The following SLAIN1 variants were observed in gnomAD, a reference collection of about 807,000 sequenced individuals.
SLAIN1 encodes SLAIN motif-containing protein 1.
SLAIN1 carries 17 observed loss-of-function variants against 55.4 expected under a neutral mutation model. The ratio of observed to expected loss-of-function variants is 0.31; its 90% confidence interval spans 0.21 to 0.46. SLAIN1 has a LOEUF of 0.46. Ranked by LOEUF, SLAIN1 falls within the 20% of genes least tolerant of loss-of-function variation. SLAIN1 has a pLI of 1.00. For synonymous variants in SLAIN1, 348 were observed against 337.4 expected, an observed-to-expected ratio of 1.03 and a Z score of -0.35; for missense variants, 682 against 785.1, an observed-to-expected ratio of 0.87 and a Z score of 1.57.
At chr13:77,760,522 CG>C (rs1874931956) in intron 5 of SLAIN1, among the ~76,000 whole-genome samples, 1 of 152,076 alleles carries the variant, frequency 6.6e-6, no homozygotes, top group Non-Finnish European at 1.5e-5. Flanking sequence ...AGCAAGCAAA[CG>C]GGGAAGACTT....
Position 77,719,647 on chromosome 13 carries a change from T to C in SLAIN1, c.742T>C (p.Ser248Pro), listed in dbSNP as rs751507303. The change falls in exon 2 of 7, where the codon TCC (serine) becomes CCC (proline). Residue 248 changes from serine (S) to proline (P), a missense_variant. By Grantham distance (74) the Ser-to-Pro change is moderately conservative. Transcript: ENST00000418532. ...PTPEMEAARRSLCFRLEQGYT... is the reference protein window; with the variant it reads ...PTPEMEAARRPLCFRLEQGYT... The stretch of plus-strand genomic sequence containing the variant: ...TCCTGAGATGGAAGCAGCGAGACGT[T>C]CCCTGTGCTTTAGACTGGAGCAAGG... The C allele has an allele frequency of 5.0e-6, 8 of 1,613,450 alleles. No homozygotes were observed. The Admixed American group carries it at 1.2e-4, about 24-fold the overall frequency.
At chr13:77,710,488 A>T (rs934735941) in intron 1 of SLAIN1, among the ~76,000 whole-genome samples, 1 of 152,232 alleles carries the variant, frequency 6.6e-6, no homozygotes, top group African/African-American at 2.4e-5. Flanking sequence ...ATCAAAAGAG[A>T]CAAAGAAGGG....
Position 77,698,400 on chromosome 13 carries a change from G to A in SLAIN1, c.487G>A (p.Gly163Arg), listed in dbSNP as rs969043748. 21 of 1,406,160 alleles carry A rather than the reference G, an allele frequency of 1.5e-5. No individual in the cohort carries two copies. The Admixed American group carries it at 2.6e-4, about 17-fold the overall frequency. The allele number at this position is 1,406,160 out of a possible 1,614,324, so 87.1% of individuals were successfully genotyped here. The change falls in exon 1 of 7, where the codon GGG becomes AGG. Residue 163 changes from glycine (G) to arginine (R), a missense_variant. By Grantham distance (125) the Gly-to-Arg change is moderately radical. Around this residue, in one of 3 missense-constraint regions of SLAIN1, gnomAD observed 401 missense variants for 417.3 expected, o/e 0.96. Transcript: ENST00000418532. The surrounding 1 kb of genome is among the most constrained non-coding windows in gnomAD (Gnocchi z 4.1). ...AAGFFGAGGGGPEPGGAGTPP... is the reference protein window; with the variant it reads ...AAGFFGAGGGRPEPGGAGTPP... Reference sequence around the variant, plus strand: ...AGGCTTCTTCGGCGCGGGCGGTGGCGGGCCGGAGCCGGGGGGCGCGGGGAC... The same window carrying A: ...AGGCTTCTTCGGCGCGGGCGGTGGCAGGCCGGAGCCGGGGGGCGCGGGGAC...
At chr13:77,752,975 C>G (rs1259295625) in intron 4 of SLAIN1, among the ~76,000 whole-genome samples, 1 of 152,150 alleles carries the variant, frequency 6.6e-6, no homozygotes, top group Admixed American at 6.5e-5. Flanking sequence ...TCCTTCAATC[C>G]AATCAAGTTG....
At chr13:77,751,562 G>A (rs1050988215) in intron 4 of SLAIN1, among the ~76,000 whole-genome samples, 4 of 152,152 alleles carry the variant, frequency 2.6e-5, no homozygotes, top group African/African-American at 9.7e-5. Context: ...TTGTTCATTT[G>A]TTCCTTCTCC....
At chr13:77,751,794 A>G (rs1874230260) in intron 4 of SLAIN1, among the ~76,000 whole-genome samples, 1 of 152,202 alleles carries the variant, frequency 6.6e-6, no homozygotes, top group East Asian at 1.9e-4. Context: ...TGGGTGACGC[A>G]TGCTGTGCTC....
Position 77,738,818 on chromosome 13 carries a change from A to G in SLAIN1, c.767-5465A>G, listed in dbSNP as rs1873265986. On this transcript the variant is annotated intron_variant, in intron 2 of 6. Transcript: ENST00000418532. Reference sequence around the variant, plus strand: ...TGAAACCAAGCCAGATGCCGTGTACAGTAGAATGTATCGAAATGCTACCAA... The same window carrying G: ...TGAAACCAAGCCAGATGCCGTGTACGGTAGAATGTATCGAAATGCTACCAA... Among the ~76,000 whole-genome samples the G allele has an allele frequency of 2.0e-5, 3 of 152,220 alleles. No individual in the cohort carries two copies. The South Asian group carries it at 6.2e-4, about 32-fold the overall frequency.
chr13:77,748,709 G>T (rs1874009665), intron 4 of SLAIN1, among the ~76,000 whole-genome samples: 2 of 152,066 alleles, frequency 1.3e-5, no homozygotes, highest in Non-Finnish European at 2.9e-5. Flanking sequence ...AAGAAAAATG[G>T]AATACAAAGG....
intron 2 of SLAIN1, among the ~76,000 whole-genome samples, chr13:77,738,925 G>A (rs937676860): frequency 6.6e-6 from 1 of 152,096 alleles, no homozygotes; most frequent in Non-Finnish European, 1.5e-5. Context: ...TTCGGTGGCA[G>A]CTTTGTTGCC....
Position 77,697,912 on chromosome 13 carries a change from C to G in SLAIN1, c.-2C>G, listed in dbSNP as rs2090989727. On this transcript the variant is annotated 5_prime_UTR_variant, in exon 1 of 7. Coordinates refer to ENST00000418532, the MANE Select transcript of SLAIN1 (RefSeq NM_001242868.2). ...GCGGCCGCGGCGCCCTCGGGGCCCA[C>G]GATGATGGCGGAGCAGGTGAAATGC... 2.2e-6 allele frequency: 3 copies of G among 1,392,460 alleles called. No homozygotes were observed. Among genetic ancestry groups the G allele is most frequent in the African/African-American group, 1.5e-5 (1 of 65,942 alleles). The allele number at this position is 1,392,460 out of a possible 1,614,324, so 86.3% of individuals were successfully genotyped here. A position where few individuals can be genotyped will look rare whatever the true frequency, so the allele number is the denominator to read the frequency against.
chr13:77,739,811 C>T (rs546833603), intron 2 of SLAIN1, among the ~76,000 whole-genome samples: 2 of 151,944 alleles, frequency 1.3e-5, no homozygotes, highest in Non-Finnish European at 2.9e-5. Flanking sequence ...GAGCATTTAT[C>T]GAATCTAGTT....
chr13:77,714,434 A>G (rs533282053), intron 1 of SLAIN1, among the ~76,000 whole-genome samples: 91 of 152,268 alleles, frequency 6.0e-4, no homozygotes, highest in African/African-American at 2.1e-3. Context: ...CAACATAGGA[A>G]GACCACATCT....
chr13:77,710,483 AAG>A (rs1389001875), intron 1 of SLAIN1, among the ~76,000 whole-genome samples: 1 of 152,232 alleles, frequency 6.6e-6, no homozygotes, highest in Non-Finnish European at 1.5e-5. Flanking sequence ...CAAAGATCAA[AAG>A]AGACAAAGAA....
intron 2 of SLAIN1, among the ~76,000 whole-genome samples, chr13:77,727,315 G>A (rs1163060809): frequency 1.3e-5 from 2 of 151,866 alleles, no homozygotes; most frequent in Admixed American, 6.6e-5. Context: ...GAAGATGGAG[G>A]TCTATACCTA....
intron 5 of SLAIN1, among the ~76,000 whole-genome samples, chr13:77,755,790 GAGAAAGCCCCCA>G (rs1874558997): frequency 6.6e-6 from 1 of 152,156 alleles, no homozygotes; most frequent in African/African-American, 2.4e-5. Flanking sequence ...ATAATACTGA[GAGAAAGCCCCCA>G]AGAAGAATAT....
intron 2 of SLAIN1, chr13:77,741,535 G>A (rs1873438918): frequency 3.3e-6 from 2 of 615,262 alleles, no homozygotes; most frequent in Non-Finnish European, 4.1e-6. Context: ...TGAAAGTGTT[G>A]TCATTGCGAA....
At chr13:77,699,143 C>T in intron 1 of SLAIN1, 1 of 1,349,980 alleles carries the variant, frequency 7.4e-7, no homozygotes, top group Non-Finnish European at 1.0e-6. Flanking sequence ...GACTGACTTG[C>T]TTTTTAAAAT....
intron 2 of SLAIN1, among the ~76,000 whole-genome samples, chr13:77,721,019 T>C (rs1254807129): frequency 6.6e-6 from 1 of 152,072 alleles, no homozygotes; most frequent in Non-Finnish European, 1.5e-5. Flanking sequence ...CTGTTCCCAT[T>C]TACCTAAGTG....
chr13:77,734,225 C>T (rs911424759), intron 2 of SLAIN1, among the ~76,000 whole-genome samples: 14 of 151,720 alleles, frequency 9.2e-5, no homozygotes, highest in African/African-American at 7.3e-5. Flanking sequence ...GCTGTGTTCT[C>T]GGTAAAACTC....
Sources: gnomAD v4.1 joint callset for allele counts (sites outside exome capture counted in the v4.1 genomes callset) on GRCh38, gnomAD v4.1.1 for gene constraint, gnomAD v4.1.1 regional missense constraint, Gnocchi (gnomAD v3.1) non-coding constraint, MANE v1.5 for transcripts, NCBI Gene and HGNC (gene_info 2026-07-23, HGNC 2026-07-21) for gene names.